HCRTR2: variants seen among roughly 807,000 people sequenced by gnomAD.
HCRTR2 encodes the protein orexin receptor type 2.
Under a neutral mutation model 49.0 loss-of-function variants are expected in HCRTR2, and 22 were observed. The observed-to-expected ratio is 0.45, with a 90% CI of 0.32 to 0.64. HCRTR2 has a LOEUF of 0.64. Ranked by LOEUF, HCRTR2 falls within the 30% of genes least tolerant of loss-of-function variation. HCRTR2 has a pLI of 0.04. For missense variants in HCRTR2, 491 were observed against 559.4 expected (o/e 0.88, Z 1.23); for synonymous variants, 236 against 205.3 (o/e 1.15, Z -1.28).
chr6:55,177,108 C>G (rs527782986), intron 1 of HCRTR2, among the ~76,000 whole-genome samples: 1 of 152,208 alleles, frequency 6.6e-6, no homozygotes, highest in Non-Finnish European at 1.5e-5. Context: ...AAGGAAACAC[C>G]TCTACAGTAA....
In HCRTR2 at chr6:55,174,601, A is replaced by G. The variant is rs1204477454; in HGVS notation, c.14A>G (p.Lys5Arg). The change falls in exon 1 of 7, where the codon AAA becomes AGA. Residue 5 changes from lysine (K) to arginine (R), a missense_variant. By Grantham distance (26) the Lys-to-Arg change is conservative. Transcript: ENST00000370862. MSGT[K>R]LEDSPPCRNW... ...CTTGAGCCCGTGATGTCCGGCACCA[A>G]ATTGGAGGACTCCCCCCCTTGTCGC... 1.2e-6 allele frequency: 2 copies of G among 1,613,902 alleles called. No individual in the cohort carries two copies. The highest frequency in any genetic ancestry group is 4.5e-5 in the East Asian group (2 of 44,840).
chr6:55,191,051 TG>T (rs1362714835), intron 1 of HCRTR2, among the ~76,000 whole-genome samples: 4 of 152,182 alleles, frequency 2.6e-5, no homozygotes, highest in Admixed American at 2.0e-4. Flanking sequence ...AAATGGAATT[TG>T]GCAAGAAAGC....
intron 1 of HCRTR2, among the ~76,000 whole-genome samples, chr6:55,221,190 A>G (rs1425426002): frequency 3.3e-5 from 5 of 152,296 alleles, no homozygotes; most frequent in South Asian, 2.1e-4. Context: ...TTTCAGAAAT[A>G]GAAAAAAAAT....
At chr6:55,179,220 G>A (rs1051457969) in intron 1 of HCRTR2, among the ~76,000 whole-genome samples, 1 of 151,984 alleles carries the variant, frequency 6.6e-6, no homozygotes, top group Non-Finnish European at 1.5e-5. Flanking sequence ...TTTCATGGGT[G>A]TTTGTAAACC....
At chr6:55,155,468 A>C (rs1764718090) in intron 1 of HCRTR2, among the ~76,000 whole-genome samples, 1 of 152,024 alleles carries the variant, frequency 6.6e-6, no homozygotes, top group Non-Finnish European at 1.5e-5. Flanking sequence ...GTCTAAATCA[A>C]CACTAATTCA....
At chr6:55,142,937 A>G (rs895921889) in intron 1 of HCRTR2, among the ~76,000 whole-genome samples, 28 of 151,688 alleles carry the variant, frequency 1.8e-4, no homozygotes, top group African/African-American at 6.5e-4. Context: ...ATTTGGGCAC[A>G]ATCTACAAAT....
chr6:55,276,998 T>A (rs953057191), intron 4 of HCRTR2, among the ~76,000 whole-genome samples: 7 of 152,146 alleles, frequency 4.6e-5, no homozygotes, highest in Non-Finnish European at 8.8e-5. Flanking sequence ...ACTTGCTGGG[T>A]TTTCCTCTGC....
At chr6:55,210,935 G>C (rs895092355) in intron 1 of HCRTR2, among the ~76,000 whole-genome samples, 42 of 152,180 alleles carry the variant, frequency 2.8e-4, no homozygotes, top group African/African-American at 9.7e-4. Context: ...GTCAACGACA[G>C]ACTGCATTTA....
At chr6:55,129,068 A>G (rs1764319528) in intron 1 of HCRTR2, among the ~76,000 whole-genome samples, 1 of 152,064 alleles carries the variant, frequency 6.6e-6, no homozygotes, top group Non-Finnish European at 1.5e-5. Context: ...TCTCTTTGTC[A>G]GCCTAAATCT....
At chr6:55,149,950 T>A (rs1239150102) in intron 1 of HCRTR2, among the ~76,000 whole-genome samples, 1 of 152,044 alleles carries the variant, frequency 6.6e-6, no homozygotes, top group Non-Finnish European at 1.5e-5. Context: ...CAATGTTTTT[T>A]GTTAAAAACA....
intron 1 of HCRTR2, among the ~76,000 whole-genome samples, chr6:55,157,018 G>A (rs1764740416): frequency 6.6e-6 from 1 of 151,948 alleles, no homozygotes; most frequent in African/African-American, 2.4e-5. Flanking sequence ...TTCAACATTG[G>A]AAAGATAGTT....
intron 4 of HCRTR2, among the ~76,000 whole-genome samples, chr6:55,266,708 C>G (rs1766866887): frequency 1.3e-5 from 2 of 152,030 alleles, no homozygotes; most frequent in Non-Finnish European, 2.9e-5. Flanking sequence ...ATGTATCTGT[C>G]TTGTTACTTT....
chr6:55,212,242 T>C (rs1404864627), intron 1 of HCRTR2, among the ~76,000 whole-genome samples: 1 of 151,336 alleles, frequency 6.6e-6, no homozygotes, highest in Admixed American at 6.7e-5. Context: ...CAGAAGGAAT[T>C]TTGACTACTC....
chr6:55,159,845 ACTAAAC>A (rs2127261818), intron 1 of HCRTR2, among the ~76,000 whole-genome samples: 1 of 152,374 alleles, frequency 6.6e-6, no homozygotes, highest in African/African-American at 2.4e-5. Context: ...ATGTGAAAAG[ACTAAAC>A]CTACATTTGA....
chr6:55,171,063 G>A (rs1764943183), upstream of HCRTR2, among the ~76,000 whole-genome samples: 1 of 152,006 alleles, frequency 6.6e-6, no homozygotes, highest in Admixed American at 6.6e-5. Flanking sequence ...TGTCTTTATA[G>A]CAGCATGATT....
intron 1 of HCRTR2, among the ~76,000 whole-genome samples, chr6:55,204,339 GCTGA>G (rs1027178179): frequency 2.0e-5 from 3 of 152,114 alleles, no homozygotes; most frequent in Admixed American, 6.6e-5. Context: ...GTAGTATCTT[GCTGA>G]CTAACATAAT....
intron 1 of HCRTR2, among the ~76,000 whole-genome samples, chr6:55,200,700 TGACAA>T (rs1765498048): frequency 1.3e-5 from 2 of 152,216 alleles, no homozygotes; most frequent in Admixed American, 6.5e-5. Context: ...TTGGTATTCA[TGACAA>T]GACAATTAGT....
chr6:55,248,331 G>C (rs544307224), intron 1 of HCRTR2, among the ~76,000 whole-genome samples: 1 of 152,042 alleles, frequency 6.6e-6, no homozygotes, highest in Non-Finnish European at 1.5e-5. Flanking sequence ...TACATATTGA[G>C]TACTGAGGGA....
chr6:55,189,798 A>C (rs2998995), intron 1 of HCRTR2, among the ~76,000 whole-genome samples: 112,165 of 152,072 alleles, frequency 0.74, 41,740 homozygotes, highest in Non-Finnish European at 0.79. Flanking sequence ...CTTAAAATAA[A>C]ATTAAATTAT....
Sources: allele counts gnomAD v4.1 joint callset (sites outside exome capture counted in the v4.1 genomes callset), GRCh38; gene constraint gnomAD v4.1.1; transcripts MANE v1.5; gene names NCBI Gene and HGNC (gene_info 2026-07-23, HGNC 2026-07-21).